The following CSPP1 variants were observed in gnomAD, a reference collection of about 807,000 sequenced individuals.
CSPP1 encodes centrosome and spindle pole-associated protein 1.
Under a neutral mutation model 164.4 loss-of-function variants are expected in CSPP1, and 126 were observed. The observed-to-expected ratio is 0.77, with a 90% confidence interval of 0.66 to 0.89. CSPP1 has a LOEUF of 0.89. Ranked by LOEUF, CSPP1 falls within the 40% of genes least tolerant of loss-of-function variation. The pLI is 0.00. For synonymous variants in CSPP1, 472 were observed against 476.7 expected (o/e 0.99, Z 0.13); for missense variants, 1,395 against 1,449.8 (o/e 0.96, Z 0.61).
chr8:67,143,080 T>C (rs1563667242), intron 17 of CSPP1, among the ~76,000 whole-genome samples: 1 of 152,092 alleles, frequency 6.6e-6, no homozygotes, highest in African/African-American at 2.4e-5. Context: ...GTTTTTTTTT[T>C]CTTTTCCTAA....
rs1353134348 is a variant in CSPP1, at chr8:67,159,190, TG to T, written c.2538+54del. On this transcript the variant is annotated intron_variant, in intron 21 of 30. Coordinates refer to ENST00000678616, the MANE Select transcript of CSPP1 (RefSeq NM_001382391.1). ...AACCCATAGTTTAACTCACTTTCAC[TG>T]TGAGAGTTGTACAGTTGTTAGAAAA... The T allele has an allele frequency of 2.0e-6, 3 of 1,483,842 alleles. No homozygotes were observed. In the African/African-American group the frequency reaches 4.2e-5, roughly 21 times the overall value. 91.9% of individuals were successfully genotyped at this position (1,483,842 alleles called of 1,614,324 possible).
At chr8:67,081,099 A>G (rs1473514757) in intron 3 of CSPP1, 1 of 152,186 alleles carries the variant, frequency 6.6e-6, no homozygotes, top group South Asian at 2.1e-4. Context: ...TAAACTCTCT[A>G]GGGGTTCACA....
chr8:67,149,860 G>A lies in CSPP1; in HGVS notation c.2053G>A (p.Ala685Thr), dbSNP rs1431296134. ...PDARTYEDKRAVVSLDPNLAT... is the reference protein window; with the variant it reads ...PDARTYEDKRTVVSLDPNLAT... The stretch of plus-strand genomic sequence containing the variant: ...TGCAAGAACATATGAAGATAAAAGG[G>A]CTGTTGTATCTCTAGACCCAAATTT... The change falls in exon 18 of 31, where the codon GCT becomes ACT. Residue 685 changes from alanine (A) to threonine (T), a missense_variant. Physicochemically the swap from Ala to Thr is moderately conservative, Grantham distance 58 (BLOSUM62 0). Transcript: ENST00000678616. 3 of 1,608,860 alleles carry A rather than the reference G, an allele frequency of 1.9e-6. No homozygotes were observed. The highest frequency in any genetic ancestry group is 2.7e-5 in the African/African-American group (2 of 74,632).
At chr8:67,149,168 T>G (rs1284063746) in intron 17 of CSPP1, among the ~76,000 whole-genome samples, 2 of 152,172 alleles carry the variant, frequency 1.3e-5, no homozygotes, top group African/African-American at 4.8e-5. Flanking sequence ...AGTGTCCTTA[T>G]GGTATGGCAG....
chr8:67,122,896 T>TTGTG (rs143103294), intron 15 of CSPP1, among the ~76,000 whole-genome samples: 1 of 142,328 alleles, frequency 7.0e-6, no homozygotes, highest in African/African-American at 2.5e-5. Context: ...GTGTGTGTGT[T>TTGTG]TGTGTGTGTG....
intron 15 of CSPP1, among the ~76,000 whole-genome samples, chr8:67,126,158 T>G (rs1388626655): frequency 3.3e-5 from 5 of 152,198 alleles, no homozygotes; most frequent in African/African-American, 1.2e-4. Flanking sequence ...TACATATTTT[T>G]TAGTTCTTTC....
At chr8:67,091,207 C>T (rs992710921) in intron 4 of CSPP1, among the ~76,000 whole-genome samples, 2 of 152,168 alleles carry the variant, frequency 1.3e-5, no homozygotes, top group Non-Finnish European at 2.9e-5. Flanking sequence ...TGTTACACAA[C>T]TGATAAGTGC....
chr8:67,168,050 C>T (rs1829789798), intron 24 of CSPP1, among the ~76,000 whole-genome samples: 1 of 152,198 alleles, frequency 6.6e-6, no homozygotes, highest in African/African-American at 2.4e-5. Context: ...ATCCCGGCAC[C>T]TCGGGAGGCC....
chr8:67,074,303 C>T lies in CSPP1; in HGVS notation c.51C>T (p.Ala17=), dbSNP rs370003497. 4.3e-4 allele frequency: 684 copies of T among 1,608,422 alleles called. 1 individual carries two copies. Among genetic ancestry groups the T allele is most frequent in the Non-Finnish European group, 5.2e-4 (608 of 1,177,228 alleles). ...TTGAAGAGCAAAAAGCCAGATTGGC[C>T]GAAGACAAAGCAGAGTTGGAAAGTG... ...EFIEEQKARL[A]EDKAELESDP... is the part of the protein sequence containing the mutation. The change falls in exon 2 of 31, where the codon GCC becomes GCT. Residue 17 remains alanine, a synonymous_variant. Coordinates refer to ENST00000678616, the MANE Select transcript of CSPP1 (RefSeq NM_001382391.1).
intron 20 of CSPP1, 115 bp from the exon 21 acceptor site, chr8:67,158,876 C>G: frequency 2.0e-6 from 2 of 985,320 alleles, no homozygotes; most frequent in East Asian, 4.9e-5. Context: ...TTAAAGAACA[C>G]CATATCATGT....
chr8:67,101,604 C>G (rs557890763), intron 7 of CSPP1, among the ~76,000 whole-genome samples: 1 of 151,934 alleles, frequency 6.6e-6, no homozygotes, highest in African/African-American at 2.4e-5. Flanking sequence ...GATCTGTGAT[C>G]GATTAAAAAA....
chr8:67,170,881 G>T (rs1431236768), intron 24 of CSPP1, among the ~76,000 whole-genome samples: 1 of 151,838 alleles, frequency 6.6e-6, no homozygotes, highest in Non-Finnish European at 1.5e-5. Flanking sequence ...CCACCTCCTT[G>T]GTTCACGCCG....
At chr8:67,160,682 A>G (rs1345464345) in intron 21 of CSPP1, among the ~76,000 whole-genome samples, 1 of 151,442 alleles carries the variant, frequency 6.6e-6, no homozygotes, top group African/African-American at 2.4e-5. Context: ...TCTTTCATTT[A>G]TGTATGTCTG....
chr8:67,097,858 T>C (rs1216353621), intron 7 of CSPP1, among the ~76,000 whole-genome samples: 1 of 151,960 alleles, frequency 6.6e-6, no homozygotes, highest in African/African-American at 2.4e-5. Context: ...TAAGAATAGA[T>C]TAAACATGAG....
chr8:67,117,778 A>C (rs537838409), intron 13 of CSPP1, among the ~76,000 whole-genome samples: 1 of 152,164 alleles, frequency 6.6e-6, no homozygotes, highest in South Asian at 2.1e-4. Context: ...AAAGCCTTAC[A>C]TGTGCTTTCT....
chr8:67,165,327 T>TTCA (rs1429133923), intron 24 of CSPP1, among the ~76,000 whole-genome samples: 4 of 152,162 alleles, frequency 2.6e-5, no homozygotes, highest in African/African-American at 9.7e-5. Context: ...CTGTACACCC[T>TTCA]TCATCCAGTT....
intron 29 of CSPP1, 69 bp downstream of exon 29, chr8:67,190,828 A>G: frequency 8.9e-7 from 1 of 1,124,620 alleles, no homozygotes; most frequent in Non-Finnish European, 1.4e-6. Context: ...GACCTGTGCT[A>G]AATCTGTGTG....
Position 67,172,574 on chromosome 8 carries a change from T to C in CSPP1, c.2968+19T>C. The C allele has an allele frequency of 6.3e-7, 1 of 1,597,264 alleles. No individual in the cohort carries two copies. The highest frequency in any genetic ancestry group is 1.3e-5 in the African/African-American group (1 of 74,530). ...GATAGAGGTGAGTAGATTGCTGCTC[T>C]TTTAAAGATGTAGCAGAAGTGTTCT... On this transcript the variant is annotated intron_variant, in intron 25 of 30. Coordinates refer to ENST00000678616, the MANE Select transcript of CSPP1 (RefSeq NM_001382391.1).
chr8:67,194,687 TAA>T (rs546923662), intron 30 of CSPP1, among the ~76,000 whole-genome samples: 6 of 135,544 alleles, frequency 4.4e-5, no homozygotes, highest in Admixed American at 1.5e-4. Context: ...CCAGGAGAAT[TAA>T]AAAAAAAAAA....
Sources: gnomAD v4.1 joint callset for allele counts (sites outside exome capture counted in the v4.1 genomes callset) on GRCh38, gnomAD v4.1.1 for gene constraint, MANE v1.5 for transcripts, NCBI Gene and HGNC (gene_info 2026-07-23, HGNC 2026-07-21) for gene names.